TENM3: variants seen among roughly 807,000 people sequenced by gnomAD.
TENM3 encodes the protein teneurin-3.
TENM3 carries 63 observed loss-of-function variants against 255.1 expected under a neutral mutation model. That is an observed-to-expected ratio of 0.25 (90% CI 0.20 to 0.30). The LOEUF (loss-of-function observed/expected upper bound fraction) is 0.30, where lower values mean the gene tolerates loss of function less well. Among genes scored for constraint, TENM3 ranks in the 10% least tolerant of loss-of-function variants. TENM3 has a pLI of 1.00. For synonymous variants in TENM3, 1,306 were observed against 1,322.3 expected, an observed-to-expected ratio of 0.99 and a Z score of 0.27; for missense variants, 2,929 against 3,461.1, an observed-to-expected ratio of 0.85 and a Z score of 3.86.
rs1561277044 is a variant in TENM3, at chr4:182,801,370, T to C, written c.*1019T>C. ...TTCCCTCTCTCACGCATCAGGCCAG[T>C]GTCCTCAGCATTGTCAACTGAGAGG... On this transcript the variant is annotated 3_prime_UTR_variant, in exon 28 of 28. Coordinates refer to ENST00000511685, the MANE Select transcript of TENM3 (RefSeq NM_001080477.4). 6.6e-6 allele frequency: 1 copy of C among 152,320 alleles called. No individual in the cohort carries two copies. The highest frequency in any genetic ancestry group is 1.9e-4 in the East Asian group (1 of 5,168). The allele number at this position is 152,320 out of a possible 1,614,324, so 9.4% of individuals were successfully genotyped here.
chr4:181,820,655 C>A, the TENM3 span, among the ~76,000 whole-genome samples: 1 of 152,086 alleles, frequency 6.6e-6, no homozygotes, highest in African/African-American at 2.4e-5. Context: ...AAAGCACCAC[C>A]GCTGTAAATA....
At chr4:181,705,637 C>A in the TENM3 span, among the ~76,000 whole-genome samples, 1 of 152,110 alleles carries the variant, frequency 6.6e-6, no homozygotes, top group South Asian at 2.1e-4. Flanking sequence ...AGAGCTAATC[C>A]ATGCTGGGCT....
chr4:181,659,063 T>C, the TENM3 span, among the ~76,000 whole-genome samples: 3 of 152,154 alleles, frequency 2.0e-5, no homozygotes, highest in Non-Finnish European at 4.4e-5. Flanking sequence ...TTGATAACGT[T>C]TACTAAACAG....
the TENM3 span, among the ~76,000 whole-genome samples, chr4:181,603,414 G>T: frequency 1.3e-5 from 2 of 152,152 alleles, no homozygotes; most frequent in Non-Finnish European, 2.9e-5. Context: ...TAGCACTTCA[G>T]TTAGGACTGG....
the TENM3 span, among the ~76,000 whole-genome samples, chr4:181,718,273 G>T: frequency 6.6e-6 from 1 of 152,022 alleles, no homozygotes; most frequent in Non-Finnish European, 1.5e-5. Flanking sequence ...TTTTCTCCTC[G>T]GCATGAAACC....
chr4:181,586,700 C>T, the TENM3 span, among the ~76,000 whole-genome samples: 9 of 152,118 alleles, frequency 5.9e-5, no homozygotes, highest in South Asian at 4.2e-4. Context: ...ATTAGCCAGG[C>T]GTGGTGGCAC....
rs1187180081 is a variant in TENM3, at chr4:182,681,820, G to A, written c.1841G>A (p.Cys614Tyr). ...YKGESCEEAD[C>Y]IDPGCSNHGV... ...GTTCTTTTCTTTACACCAGCTGACTGTATAGACCCTGGGTGTTCTAATCAT... is the reference window on the plus strand; with the variant it reads ...GTTCTTTTCTTTACACCAGCTGACTATATAGACCCTGGGTGTTCTAATCAT... Residue 614 changes from cysteine to tyrosine, a missense_variant, in exon 11 of 28, where the codon TGT becomes TAT. This residue lies in a region of TENM3 where 1,608 missense variants were observed against 1,884.4 expected (regional missense o/e 0.85). Transcript: ENST00000511685. 1.9e-6 allele frequency: 3 copies of A among 1,612,690 alleles called. No homozygotes were observed. The highest frequency in any genetic ancestry group is 2.2e-5 in the South Asian group (2 of 90,808).
chr4:182,038,096 A>G, the TENM3 span, among the ~76,000 whole-genome samples: 1 of 152,210 alleles, frequency 6.6e-6, no homozygotes. Context: ...TCAAACACAC[A>G]ACACATTTGT....
the TENM3 span, among the ~76,000 whole-genome samples, chr4:181,771,500 AG>A: frequency 6.6e-6 from 1 of 152,194 alleles, no homozygotes; most frequent in East Asian, 1.9e-4. Flanking sequence ...TCACTGTTAT[AG>A]GGGGTCAATG....
At chr4:182,450,641 A>T (rs532553648) in intron 3 of TENM3, among the ~76,000 whole-genome samples, 1 of 152,226 alleles carries the variant, frequency 6.6e-6, no homozygotes, top group African/African-American at 2.4e-5. Flanking sequence ...AAAAATATGA[A>T]TGCAGGTGGT....
Position 182,323,972 on chromosome 4 carries a change from G to C in TENM3, c.-49G>C. The stretch of plus-strand genomic sequence containing the variant: ...GAGGCCAATGAGACTTGAACCCTGA[G>C]CCTAAGTTGTCACCAGCAGGACTGA... On this transcript the variant is annotated 5_prime_UTR_variant, in exon 2 of 28. Coordinates refer to ENST00000511685, the MANE Select transcript of TENM3 (RefSeq NM_001080477.4). The C allele has an allele frequency of 6.5e-7, 1 of 1,533,294 alleles. No individual in the cohort carries two copies. The highest frequency in any genetic ancestry group is 8.9e-7 in the Non-Finnish European group (1 of 1,119,208). The allele number at this position is 1,533,294 out of a possible 1,614,324, so 95.0% of individuals were successfully genotyped here.
chr4:181,501,413 C>T, the TENM3 span, among the ~76,000 whole-genome samples: 1 of 151,288 alleles, frequency 6.6e-6, no homozygotes, highest in African/African-American at 2.4e-5. Flanking sequence ...GAGTCTCGCA[C>T]TGTCGCCTGG....
At chr4:182,136,681 A>G in the TENM3 span, among the ~76,000 whole-genome samples, 2 of 152,216 alleles carry the variant, frequency 1.3e-5, no homozygotes, top group African/African-American at 2.4e-5. Flanking sequence ...CCATACCTTG[A>G]GCAAAACAAC....
chr4:181,964,721 C>G, the TENM3 span, among the ~76,000 whole-genome samples: 13 of 151,978 alleles, frequency 8.6e-5, no homozygotes, highest in Non-Finnish European at 1.5e-4. Context: ...GGGACAAGTA[C>G]CAGCAGGGAT....
In TENM3 at chr4:182,792,734, A is replaced by G; in HGVS notation, c.6062A>G (p.Tyr2021Cys). The change falls in exon 26 of 28, where the codon TAT (tyrosine) becomes TGT (cysteine). Residue 2021 changes from tyrosine (Y) to cysteine (C), a missense_variant. By Grantham distance (194) the Tyr-to-Cys change is radical. Coordinates refer to ENST00000511685, the MANE Select transcript of TENM3 (RefSeq NM_001080477.4). The surrounding 1 kb of genome is among the most constrained non-coding windows in gnomAD (Gnocchi z 6.3). ...GMVNARFDYS[Y>C]DNSFRVTSMQ... ...GTAAATGCAAGATTTGACTATAGCT[A>G]TGACAACAGCTTTCGAGTGACCAGC... 1 of 1,613,970 alleles carries G rather than the reference A, an allele frequency of 6.2e-7. No individual in the cohort carries two copies. The highest frequency in any genetic ancestry group is 8.5e-7 in the Non-Finnish European group (1 of 1,179,892).
At chr4:181,519,318 T>C in the TENM3 span, among the ~76,000 whole-genome samples, 1 of 152,244 alleles carries the variant, frequency 6.6e-6, no homozygotes, top group African/African-American at 2.4e-5. Context: ...AACTTAATTA[T>C]GAATAAAGAT....
At chr4:182,526,584 T>C (rs533367430) in intron 3 of TENM3, among the ~76,000 whole-genome samples, 3 of 152,338 alleles carry the variant, frequency 2.0e-5, no homozygotes, top group African/African-American at 7.2e-5. Flanking sequence ...TTACTTTGTT[T>C]AGTGTCTGCA....
intron 5 of TENM3, among the ~76,000 whole-genome samples, chr4:182,640,789 T>C (rs11930604): frequency 0.091 from 13,908 of 152,230 alleles, 719 homozygotes; most frequent in East Asian, 0.14. Context: ...TCCATAAATA[T>C]TCATTAATAA....
chr4:181,725,632 C>T, the TENM3 span, among the ~76,000 whole-genome samples: 1,107 of 151,824 alleles, frequency 7.3e-3, 10 homozygotes, highest in African/African-American at 0.024. Context: ...TTAGTAGAGA[C>T]GGAGTTTCAC....
Sources: allele counts gnomAD v4.1 joint callset (sites outside exome capture counted in the v4.1 genomes callset), GRCh38; gene constraint gnomAD v4.1.1; regional missense constraint gnomAD v4.1.1; non-coding constraint Gnocchi (gnomAD v3.1); transcripts MANE v1.5; gene names NCBI Gene and HGNC (gene_info 2026-07-23, HGNC 2026-07-21).